The following NYAP2 variants were observed in gnomAD, a reference collection of about 807,000 sequenced individuals.
NYAP2 encodes the protein neuronal tyrosine-phosphorylated phosphoinositide-3-kinase adapter 2.
A neutral mutation model predicts 50.4 loss-of-function variants in NYAP2; 23 were observed. The ratio of observed to expected loss-of-function variants is 0.46; its 90% CI spans 0.33 to 0.65. The LOEUF is 0.65. Ranked by LOEUF, NYAP2 falls within the 30% of genes least tolerant of loss-of-function variation. The probability of loss-of-function intolerance (pLI) is 0.02; values close to 1 mark genes in which losing one functional copy is unlikely to be tolerated. For missense variants in NYAP2, 885 were observed against 861.0 expected, an observed-to-expected ratio of 1.03 and a Z score of -0.35; for synonymous variants, 394 against 365.2, an observed-to-expected ratio of 1.08 and a Z score of -0.90.
chr2:225,670,244 G>T, the NYAP2 span, among the ~76,000 whole-genome samples: 1 of 152,076 alleles, frequency 6.6e-6, no homozygotes, highest in African/African-American at 2.4e-5. Context: ...CAACCAAAGA[G>T]GCAGGTTTAA....
chr2:225,520,615 C>T (rs1691035132), intron 4 of NYAP2, among the ~76,000 whole-genome samples: 1 of 152,208 alleles, frequency 6.6e-6, no homozygotes, highest in South Asian at 2.1e-4. Flanking sequence ...GGGCTCTGTT[C>T]TGTTCCATTG....
At chr2:225,514,391 G>A (rs2106186387) in intron 4 of NYAP2, among the ~76,000 whole-genome samples, 1 of 152,280 alleles carries the variant, frequency 6.6e-6, no homozygotes. Context: ...AAGCTATCTT[G>A]GTCATTTGGG....
chr2:225,449,078 T>C (rs1689607489), intron 3 of NYAP2, among the ~76,000 whole-genome samples: 1 of 152,166 alleles, frequency 6.6e-6, no homozygotes, highest in South Asian at 2.1e-4. Flanking sequence ...TAACAGTCAG[T>C]TAAACAAGTA....
At chr2:225,607,370 C>G (rs761456596) in intron 5 of NYAP2, among the ~76,000 whole-genome samples, 1 of 152,078 alleles carries the variant, frequency 6.6e-6, no homozygotes. Context: ...TTCAGCATTA[C>G]TATGATGGGG....
At chr2:225,441,633 T>G (rs977298529) in intron 3 of NYAP2, among the ~76,000 whole-genome samples, 3 of 152,110 alleles carry the variant, frequency 2.0e-5, no homozygotes, top group African/African-American at 7.2e-5. Flanking sequence ...AGAGAGAGTG[T>G]GCAGGGGAAT....
chr2:225,527,243 A>C (rs533461575), intron 4 of NYAP2, among the ~76,000 whole-genome samples: 1 of 152,306 alleles, frequency 6.6e-6, no homozygotes, highest in South Asian at 2.1e-4. Context: ...GAAATCAATA[A>C]GCCCAATGTG....
intron 5 of NYAP2, among the ~76,000 whole-genome samples, chr2:225,604,792 C>T (rs1692756537): frequency 6.6e-6 from 1 of 152,046 alleles, no homozygotes; most frequent in Non-Finnish European, 1.5e-5. Context: ...TCTCTATAAC[C>T]ATATTTATTG....
chr2:225,477,756 C>T (rs544515496), intron 3 of NYAP2, among the ~76,000 whole-genome samples: 1 of 152,264 alleles, frequency 6.6e-6, no homozygotes, highest in Admixed American at 6.5e-5. Flanking sequence ...TACACACGCA[C>T]ATATATACAC....
intron 3 of NYAP2, among the ~76,000 whole-genome samples, chr2:225,432,356 T>C (rs559298159): frequency 2.9e-4 from 44 of 150,894 alleles, no homozygotes; most frequent in African/African-American, 9.9e-4. Context: ...TATATGTACA[T>C]TTGTACTGTG....
intron 5 of NYAP2, among the ~76,000 whole-genome samples, chr2:225,596,222 A>G (rs560550349): frequency 6.6e-6 from 1 of 152,200 alleles, no homozygotes; most frequent in Non-Finnish European, 1.5e-5. Flanking sequence ...ATGCAATAGG[A>G]TATCCTCATT....
At chr2:225,620,386 C>T (rs892020776) in intron 5 of NYAP2, among the ~76,000 whole-genome samples, 7 of 151,564 alleles carry the variant, frequency 4.6e-5, no homozygotes, top group South Asian at 2.1e-4. Flanking sequence ...GGCACCCACA[C>T]GCACGCACGC....
chr2:225,565,235 A>G (rs1162975166), intron 4 of NYAP2, among the ~76,000 whole-genome samples: 1 of 152,190 alleles, frequency 6.6e-6, no homozygotes, highest in Admixed American at 6.5e-5. Context: ...TGCACCTTCA[A>G]TTAAAACTCA....
chr2:225,696,414 A>G, the NYAP2 span, among the ~76,000 whole-genome samples: 1 of 151,972 alleles, frequency 6.6e-6, no homozygotes, highest in Admixed American at 6.6e-5. Flanking sequence ...TACTGTTTTT[A>G]AAATGAATTG....
At chr2:225,569,261 A>G (rs1399615131) in intron 4 of NYAP2, among the ~76,000 whole-genome samples, 1 of 152,218 alleles carries the variant, frequency 6.6e-6, no homozygotes, top group Non-Finnish European at 1.5e-5. Flanking sequence ...AGGTGTGTTG[A>G]CAGACTTCAG....
chr2:225,591,546 T>C (rs1318925086), intron 5 of NYAP2, among the ~76,000 whole-genome samples: 4 of 152,152 alleles, frequency 2.6e-5, no homozygotes, highest in Non-Finnish European at 4.4e-5. Context: ...TTAACCTTCA[T>C]GCCATTTACT....
exon 4 of NYAP2, chr2:225,513,662 G>A (rs781446176): frequency 4.0e-6 from 6 of 1,508,420 alleles, no homozygotes; most frequent in Non-Finnish European, 5.3e-6. Context: ...AAACCCCTGA[G>A]AGGACTGAAG....
chr2:225,540,678 A>G (rs1386097174), intron 4 of NYAP2, among the ~76,000 whole-genome samples: 2 of 152,180 alleles, frequency 1.3e-5, no homozygotes, highest in South Asian at 4.1e-4. Context: ...TTCTTTATCC[A>G]TTCATCTATT....
the NYAP2 span, among the ~76,000 whole-genome samples, chr2:225,692,366 T>C: frequency 6.6e-6 from 1 of 152,260 alleles, no homozygotes; most frequent in Admixed American, 6.5e-5. Context: ...TTGGAGAAAA[T>C]ATACTCTTAA....
chr2:225,631,656 A>G (rs1693317558), intron 6 of NYAP2, among the ~76,000 whole-genome samples: 1 of 152,244 alleles, frequency 6.6e-6, no homozygotes, highest in Non-Finnish European at 1.5e-5. Context: ...TCAGGAAAGA[A>G]AAGGAGAAAG....
Sources: allele counts gnomAD v4.1 joint callset (sites outside exome capture counted in the v4.1 genomes callset), GRCh38; gene constraint gnomAD v4.1.1; transcripts MANE v1.5; gene names NCBI Gene and HGNC (gene_info 2026-07-23, HGNC 2026-07-21).